The following STAU2 variants were observed in gnomAD, a reference collection of about 807,000 sequenced individuals.
The protein encoded by STAU2 is double-stranded RNA-binding protein Staufen homolog 2.
STAU2 carries 20 observed loss-of-function variants against 65.9 expected under a neutral mutation model. That is an observed-to-expected ratio of 0.30 (90% confidence interval 0.21 to 0.44). The LOEUF is 0.44. Among genes scored for constraint, STAU2 ranks in the 20% least tolerant of loss-of-function variants. STAU2 has a pLI of 1.00. For synonymous variants in STAU2, 232 were observed against 233.9 expected (o/e 0.99, Z 0.07); for missense variants, 558 against 683.9 (o/e 0.82, Z 2.05).
At chr8:73,535,243 C>A (rs1806102442) in intron 13 of STAU2, among the ~76,000 whole-genome samples, 1 of 152,210 alleles carries the variant, frequency 6.6e-6, no homozygotes, top group African/African-American at 2.4e-5. Context: ...GATCTTGGCT[C>A]ACTGCAAGCT....
At position 73,613,822 on chromosome 8, in the gene STAU2, C is replaced by T. The variant is rs779136901; in HGVS notation, c.813G>A (p.Glu271=). Residue 271 remains glutamate, a synonymous_variant, in exon 9 of 15, where the codon GAG becomes GAA. Coordinates refer to ENST00000524300, the MANE Select transcript of STAU2 (RefSeq NM_001164380.2). ...CAGGAAGAGGTGGAAGTTTTTTAAG[C>T]TCCTGTAAGACGGTGGTCGCAGCGC... ...KKRAATTVLQ[E]LKKLPPLPVV... 16 of 1,613,494 alleles carry T rather than the reference C, an allele frequency of 9.9e-6. No individual in the cohort carries two copies. The highest frequency in any genetic ancestry group is 5.3e-5 in the African/African-American group (4 of 74,880).
At chr8:73,706,808 C>T (rs1415082024) in intron 4 of STAU2, among the ~76,000 whole-genome samples, 1 of 152,182 alleles carries the variant, frequency 6.6e-6, no homozygotes, top group Non-Finnish European at 1.5e-5. Context: ...AAGAGACCCA[C>T]TGTCATCTAC....
intron 6 of STAU2, among the ~76,000 whole-genome samples, chr8:73,619,534 T>G (rs1330972431): frequency 3.9e-5 from 6 of 152,230 alleles, no homozygotes; most frequent in Non-Finnish European, 7.3e-5. Flanking sequence ...GAGCGCATCA[T>G]GTAAGCATTC....
chr8:73,477,762 A>G (rs1037197888), intron 13 of STAU2, among the ~76,000 whole-genome samples: 8 of 152,154 alleles, frequency 5.3e-5, no homozygotes, highest in Admixed American at 1.3e-4. Flanking sequence ...TGCAACCTGG[A>G]CTGTCTAGGT....
At chr8:73,738,507 C>G (rs1586387701) in intron 2 of STAU2, among the ~76,000 whole-genome samples, 158 bp from the exon 3 acceptor site, 1 of 152,228 alleles carries the variant, frequency 6.6e-6, no homozygotes, top group Non-Finnish European at 1.5e-5. Flanking sequence ...TGTACTTGCA[C>G]TGTCCAATCT....
intron 12 of STAU2, among the ~76,000 whole-genome samples, chr8:73,560,433 T>G (rs1454479599): frequency 6.6e-6 from 1 of 152,128 alleles, no homozygotes; most frequent in Admixed American, 6.5e-5. Flanking sequence ...GTGGTGAAAA[T>G]CAACCTTGCT....
chr8:73,427,507 C>A (rs1443173541), intron 13 of STAU2, among the ~76,000 whole-genome samples: 2 of 152,200 alleles, frequency 1.3e-5, no homozygotes, highest in East Asian at 1.9e-4. Context: ...ACAGTTCTCC[C>A]CACCCTCCCT....
At chr8:73,683,358 A>G (rs1003283614) in intron 5 of STAU2, among the ~76,000 whole-genome samples, 1 of 152,216 alleles carries the variant, frequency 6.6e-6, no homozygotes, top group African/African-American at 2.4e-5. Flanking sequence ...AATTAAAAAC[A>G]AAAATCACAT....
intron 13 of STAU2, among the ~76,000 whole-genome samples, chr8:73,448,920 C>T (rs919644201): frequency 6.6e-6 from 1 of 152,262 alleles, no homozygotes; most frequent in African/African-American, 2.4e-5. Context: ...CCGCCACGTG[C>T]GCGCGGACAG....
At chr8:73,545,378 T>C (rs2128939507) in intron 13 of STAU2, among the ~76,000 whole-genome samples, 1 of 152,078 alleles carries the variant, frequency 6.6e-6, no homozygotes, top group Non-Finnish European at 1.5e-5. Context: ...TAGATAATAC[T>C]ACAGATAAAA....
At chr8:73,724,841 C>T (rs954870396) in intron 3 of STAU2, among the ~76,000 whole-genome samples, 1 of 152,096 alleles carries the variant, frequency 6.6e-6, no homozygotes, top group African/African-American at 2.4e-5. Context: ...GTGCACACCA[C>T]CACATCCAGC....
chr8:73,549,049 T>C (rs1265003223), intron 13 of STAU2, among the ~76,000 whole-genome samples: 1 of 152,194 alleles, frequency 6.6e-6, no homozygotes, highest in African/African-American at 2.4e-5. Flanking sequence ...AGAGTGTCTT[T>C]TGCATAATAA....
At chr8:73,605,327 T>C (rs911148418) in intron 9 of STAU2, among the ~76,000 whole-genome samples, 2 of 149,066 alleles carry the variant, frequency 1.3e-5, no homozygotes, top group East Asian at 3.9e-4. Context: ...TTTTTTTTTT[T>C]TGGCAGAGTC....
intron 9 of STAU2, among the ~76,000 whole-genome samples, chr8:73,611,158 A>C (rs1812428152): frequency 6.6e-6 from 1 of 152,226 alleles, no homozygotes; most frequent in Non-Finnish European, 1.5e-5. Flanking sequence ...GAATATGCTA[A>C]AAATCAGGAT....
chr8:73,519,609 A>T (rs1822934450), intron 13 of STAU2, among the ~76,000 whole-genome samples: 1 of 152,206 alleles, frequency 6.6e-6, no homozygotes, highest in Admixed American at 6.5e-5. Context: ...ATTCTTTCAC[A>T]AAAAAATGTC....
At chr8:73,720,795 AGCCACCGC>A (rs1299829113) in intron 3 of STAU2, among the ~76,000 whole-genome samples, 1 of 79,858 alleles carries the variant, frequency 1.3e-5, no homozygotes. Context: ...TACAGGCGTG[AGCCACCGC>A]GCCCGGCCTA....
intron 5 of STAU2, among the ~76,000 whole-genome samples, chr8:73,686,452 A>T (rs1269644383): frequency 6.6e-6 from 1 of 151,718 alleles, no homozygotes; most frequent in Non-Finnish European, 1.5e-5. Flanking sequence ...TGGGAGGCTG[A>T]GGGAGAAGAA....
At chr8:73,498,203 A>T (rs957469159) in intron 13 of STAU2, among the ~76,000 whole-genome samples, 1 of 151,862 alleles carries the variant, frequency 6.6e-6, no homozygotes, top group Non-Finnish European at 1.5e-5. Flanking sequence ...GTAGTCACCT[A>T]TAATTCCTCC....
At chr8:73,520,027 C>T (rs1320114142) in intron 13 of STAU2, among the ~76,000 whole-genome samples, 1 of 152,154 alleles carries the variant, frequency 6.6e-6, no homozygotes, top group African/African-American at 2.4e-5. Context: ...ATTAAAATTA[C>T]CCTATGAGCA....
Sources: allele counts gnomAD v4.1 joint callset (sites outside exome capture counted in the v4.1 genomes callset), GRCh38; gene constraint gnomAD v4.1.1; transcripts MANE v1.5; gene names NCBI Gene and HGNC (gene_info 2026-07-23, HGNC 2026-07-21).